The following YJU2B variants were observed in gnomAD, a reference collection of about 807,000 sequenced individuals.
The protein encoded by YJU2B is probable splicing factor YJU2B.
A neutral mutation model predicts 38.0 loss-of-function variants in YJU2B; 18 were observed. The ratio of observed to expected loss-of-function variants is 0.47; its 90% CI spans 0.33 to 0.70. The LOEUF (loss-of-function observed/expected upper bound fraction) is 0.70, where lower values mean the gene tolerates loss of function less well. Among genes scored for constraint, YJU2B ranks in the 30% least tolerant of loss-of-function variants. The probability of loss-of-function intolerance (pLI) is 0.02; values close to 1 mark genes in which losing one functional copy is unlikely to be tolerated. For missense variants in YJU2B, 538 were observed against 556.3 expected (o/e 0.97, Z 0.33); for synonymous variants, 246 against 225.4 (o/e 1.09, Z -0.82).
chr19:13,762,923 C>T lies in YJU2B; in HGVS notation c.1046C>T (p.Pro349Leu). The change falls in exon 10 of 10, where the codon CCG becomes CTG. Residue 349 changes from proline (P) to leucine (L), a missense_variant. Pro to Leu is a moderately conservative substitution (Grantham distance 98, BLOSUM62 -3). Around this residue, in one of 2 missense-constraint regions of YJU2B, gnomAD observed 488 missense variants for 469.5 expected, o/e 1.04. Transcript: ENST00000221554. ...ETTETPKCSS[P>L]RGQEGSRQDK... The stretch of plus-strand genomic sequence containing the variant: ...ACTGAGACCCCCAAGTGCAGCAGCC[C>T]GAGGGGGCAGGAAGGGAGCCGTCAG... 6.2e-7 allele frequency: 1 copy of T among 1,611,730 alleles called. No homozygotes were observed. Among genetic ancestry groups the T allele is most frequent in the Non-Finnish European group, 8.5e-7 (1 of 1,179,714 alleles).
At chr19:13,736,919 C>T (rs551864717) in intron 2 of YJU2B, among the ~76,000 whole-genome samples, 39 of 149,266 alleles carry the variant, frequency 2.6e-4, no homozygotes, top group African/African-American at 6.2e-4. Flanking sequence ...CCTAGCTACT[C>T]GGGAGGCTGA....
chr19:13,750,814 T>C (rs1973429883), intron 1 of YJU2B, among the ~76,000 whole-genome samples: 1 of 135,770 alleles, frequency 7.4e-6, no homozygotes, highest in African/African-American at 2.8e-5. Context: ...GCCAAGATCA[T>C]GCCACCCCAC....
At chr19:13,740,531 TTTTGTTTG>T (rs888166334) in intron 2 of YJU2B, among the ~76,000 whole-genome samples, 2 of 151,886 alleles carry the variant, frequency 1.3e-5, no homozygotes, top group African/African-American at 4.8e-5. Context: ...TTTTTTGTTT[TTTTGTTTG>T]TTTGTTTGTT....
chr19:13,740,244 G>A (rs1278477456), intron 2 of YJU2B, among the ~76,000 whole-genome samples: 1 of 152,116 alleles, frequency 6.6e-6, no homozygotes, highest in African/African-American at 2.4e-5. Flanking sequence ...ACAGAATCTT[G>A]CTCTGTCACC....
At chr19:13,741,539 T>A (rs1973095420) in intron 2 of YJU2B, among the ~76,000 whole-genome samples, 1 of 146,120 alleles carries the variant, frequency 6.8e-6, no homozygotes, top group Non-Finnish European at 1.5e-5. Flanking sequence ...AGCCCAAGAG[T>A]AGCCTGGGCA....
intron 2 of YJU2B, among the ~76,000 whole-genome samples, chr19:13,739,502 A>G (rs987813664): frequency 1.3e-5 from 2 of 152,148 alleles, no homozygotes; most frequent in African/African-American, 4.8e-5. Flanking sequence ...AGCTCTAGCT[A>G]TGGCAAACAC....
chr19:13,758,768 T>A, intron 6 of YJU2B, 100 bp from the exon 7 acceptor site: 1 of 1,430,826 alleles, frequency 7.0e-7, no homozygotes, highest in East Asian at 2.3e-5. Flanking sequence ...TGAATTTTTG[T>A]CAAATGACAC....
chr19:13,744,992 C>CA (rs35908579), upstream of YJU2B, among the ~76,000 whole-genome samples: 148 of 130,340 alleles, frequency 1.1e-3, 1 homozygote, highest in African/African-American at 2.6e-3. Context: ...GACTCCGTCT[C>CA]AAAAAAAAAA....
intron 6 of YJU2B, among the ~76,000 whole-genome samples, 186 bp downstream of exon 6, chr19:13,758,032 C>G (rs1973735881): frequency 6.6e-6 from 1 of 152,090 alleles, no homozygotes; most frequent in Non-Finnish European, 1.5e-5. Flanking sequence ...CAGTAAAAGC[C>G]CAAGTCCTCC....
At chr19:13,744,370 C>A (rs868793418), upstream of YJU2B, among the ~76,000 whole-genome samples, 4 of 152,276 alleles carry the variant, frequency 2.6e-5, no homozygotes, top group African/African-American at 9.6e-5. Flanking sequence ...GTCTTCACTT[C>A]CCCCTTATCT....
chr19:13,743,148 G>GTTTTTTTTTT (rs1973137686), upstream of YJU2B, among the ~76,000 whole-genome samples: 1 of 150,734 alleles, frequency 6.6e-6, no homozygotes, highest in African/African-American at 2.5e-5. Context: ...GCAGGTGGGG[G>GTTTTTTTTTT]TTTTTTAAGG....
chr19:13,746,890 G>C (rs904206611), upstream of YJU2B, among the ~76,000 whole-genome samples: 1 of 151,788 alleles, frequency 6.6e-6, no homozygotes, highest in Non-Finnish European at 1.5e-5. Context: ...CTGGACCACA[G>C]AGCAAGACTC....
At chr19:13,733,479 T>A (rs1599483230) in intron 2 of YJU2B, among the ~76,000 whole-genome samples, 1 of 151,374 alleles carries the variant, frequency 6.6e-6, no homozygotes, top group South Asian at 2.1e-4. Flanking sequence ...CCCAGCACTT[T>A]GGGAGGCCGA....
chr19:13,741,396 G>T (rs537668097), intron 2 of YJU2B, among the ~76,000 whole-genome samples: 12 of 151,192 alleles, frequency 7.9e-5, no homozygotes, highest in Admixed American at 7.9e-4. Context: ...CTCATGATCG[G>T]CCCACCTCAG....
chr19:13,754,410 A>G, intron 3 of YJU2B, 68 bp downstream of exon 3: 2 of 1,318,898 alleles, frequency 1.5e-6, no homozygotes, highest in Non-Finnish European at 2.2e-6. Context: ...TTGGGGTTAG[A>G]GCCACTGCTG....
Position 13,762,369 on chromosome 19 carries a change from T to A in YJU2B, c.644T>A (p.Ile215Asn), listed in dbSNP as rs754930612. The change falls in exon 9 of 10, where the codon ATC becomes AAC. Residue 215 changes from isoleucine to asparagine, a missense_variant. Physicochemically the swap from Ile to Asn is moderately radical, Grantham distance 149 (BLOSUM62 -3). Coordinates refer to ENST00000221554, the MANE Select transcript of YJU2B (RefSeq NM_030818.4). ...TTGCAGGCCAAGGCGAGCCTGACCA[T>A]CCCGCTGGTGCCCGAGACGGAAGAT... is the stretch of plus-strand genomic sequence containing the variant. ...QALQAKASLT[I>N]PLVPETEDDR... The A allele has an allele frequency of 1.9e-5, 30 of 1,613,804 alleles. No homozygotes were observed. Among genetic ancestry groups the A allele is most frequent in the Non-Finnish European group, 2.5e-5 (30 of 1,179,994 alleles).
chr19:13,743,580 G>A (rs1170963271), upstream of YJU2B, among the ~76,000 whole-genome samples: 1 of 137,532 alleles, frequency 7.3e-6, no homozygotes. Context: ...TCAGTCTCAG[G>A]AAAAAAAAAA....
chr19:13,762,915 C>G lies in YJU2B; in HGVS notation c.1038C>G (p.Cys346Trp). 4.3e-6 allele frequency: 7 copies of G among 1,611,798 alleles called. No individual in the cohort carries two copies. Among genetic ancestry groups the G allele is most frequent in the Non-Finnish European group, 5.9e-6 (7 of 1,179,700 alleles). Residue 346 changes from cysteine to tryptophan, a missense_variant, in exon 10 of 10, where the codon TGC (cysteine) becomes TGG (tryptophan). Transcript: ENST00000221554. ...CGGAAACAACTGAGACCCCCAAGTG[C>G]AGCAGCCCGAGGGGGCAGGAAGGGA... ...CPPETTETPK[C>W]SSPRGQEGSR...
chr19:13,757,545 G>T, intron 5 of YJU2B, 72 bp downstream of exon 5: 1 of 1,304,618 alleles, frequency 7.7e-7, no homozygotes, highest in South Asian at 1.2e-5. Flanking sequence ...CCGCCGGGGT[G>T]GGGGTGGGAG....
Sources: gnomAD v4.1 joint callset for allele counts (sites outside exome capture counted in the v4.1 genomes callset) on GRCh38, gnomAD v4.1.1 for gene constraint, gnomAD v4.1.1 regional missense constraint, MANE v1.5 for transcripts, NCBI Gene and HGNC (gene_info 2026-07-23, HGNC 2026-07-21) for gene names.